The following MAD2L2 variants were observed in gnomAD, a reference collection of about 807,000 sequenced individuals.
MAD2L2 encodes the protein mitotic spindle assembly checkpoint protein MAD2B.
In MAD2L2, 17 loss-of-function variants were observed where a neutral mutation model predicts 30.5. The observed-to-expected ratio is 0.56, with a 90% CI of 0.38 to 0.84. The LOEUF (loss-of-function observed/expected upper bound fraction) is 0.84. Among genes scored for constraint, MAD2L2 ranks in the 40% least tolerant of loss-of-function variants. MAD2L2 has a pLI of 0.00. For synonymous variants in MAD2L2, 101 were observed against 113.9 expected, an observed-to-expected ratio of 0.89 and a Z score of 0.72; for missense variants, 213 against 277.4, an observed-to-expected ratio of 0.77 and a Z score of 1.65.
upstream of MAD2L2, chr1:11,681,437 G>A (rs1640878962): frequency 6.6e-6 from 1 of 152,294 alleles, no homozygotes; most frequent in African/African-American, 2.4e-5. Context: ...GCCGGAAGAG[G>A]GCTGGGGAGG....
chr1:11,676,678 C>T, intron 5 of MAD2L2, 170 bp downstream of exon 5: 1 of 649,330 alleles, frequency 1.5e-6, no homozygotes, highest in South Asian at 1.8e-5. Flanking sequence ...TGTCATCTCT[C>T]TGGACCCATC....
intron 1 of MAD2L2, among the ~76,000 whole-genome samples, chr1:11,691,181 T>G (rs1412824968): frequency 2.0e-5 from 3 of 148,450 alleles, no homozygotes; most frequent in Non-Finnish European, 4.5e-5. Flanking sequence ...ATTTCTTCCG[T>G]CCCTTTTGAC....
intron 7 of MAD2L2, among the ~76,000 whole-genome samples, chr1:11,675,420 G>A (rs915437167): frequency 6.6e-6 from 1 of 152,164 alleles, no homozygotes; most frequent in African/African-American, 2.4e-5. Flanking sequence ...TCCCTGGAGA[G>A]CCCCCACTTC....
At position 11,690,256 on chromosome 1, in the gene MAD2L2, T is replaced by C. The variant is rs574929261; in HGVS notation, c.-692+1157A>G. Among the ~76,000 whole-genome samples the C allele has an allele frequency of 6.6e-6, 1 of 152,240 alleles. No homozygotes were observed. The highest frequency in any genetic ancestry group is 2.1e-4 in the South Asian group (1 of 4,818). On this transcript the variant is annotated intron_variant, in intron 1 of 10. Transcript: ENST00000235310. The surrounding 1 kb of genome is among the most constrained non-coding windows in gnomAD (Gnocchi z 4.2). ...CTACTGTACCTCCGGTGCCGGCACATAGTAGGTGTTCAATAGGTATTTATG... is the reference window on the plus strand; with the variant it reads ...CTACTGTACCTCCGGTGCCGGCACACAGTAGGTGTTCAATAGGTATTTATG...
At position 11,689,807 on chromosome 1, in the gene MAD2L2, A is replaced by G. The variant is rs945895215; in HGVS notation, c.-692+1606T>C. Among the ~76,000 whole-genome samples the G allele has an allele frequency of 3.0e-4, 45 of 152,166 alleles. 1 individual carries two copies. The highest frequency in any genetic ancestry group is 1.1e-3 in the Admixed American group (17 of 15,284). On this transcript the variant is annotated intron_variant, in intron 1 of 10. Transcript: ENST00000235310. ...AATTATTTCTTGTGCGAGATCCAAGAACCCTCTCCTGAGGTCTGGGTCAGG... is the reference window on the plus strand; with the variant it reads ...AATTATTTCTTGTGCGAGATCCAAGGACCCTCTCCTGAGGTCTGGGTCAGG...
rs1641048116 is a variant in MAD2L2, at chr1:11,690,814, G to A, written c.-692+599C>T. On this transcript the variant is annotated intron_variant, in intron 1 of 10. Coordinates refer to the MAD2L2 transcript ENST00000235310. This position sits in a 1 kb window ranked among gnomAD's most constrained non-coding sequence, Gnocchi z 4.2. ...ACTCCCAGGGTCGTCAGGACACGGC[G>A]CCCCGCGCGGTGATGGATGAGCCGG... Among the ~76,000 whole-genome samples, 1 of 152,150 alleles carries A rather than the reference G, an allele frequency of 6.6e-6. No homozygotes were observed.
At chr1:11,680,787 T>C (rs1382044991) in intron 1 of MAD2L2, 174 bp from the exon 2 acceptor site, 3 of 1,341,784 alleles carry the variant, frequency 2.2e-6, no homozygotes, top group East Asian at 2.9e-5. Context: ...GCGTCCGTGC[T>C]TGGGGGCATC....
At chr1:11,685,887 C>A (rs1223056954), upstream of MAD2L2, among the ~76,000 whole-genome samples, 2 of 151,986 alleles carry the variant, frequency 1.3e-5, no homozygotes, top group East Asian at 3.9e-4. Flanking sequence ...AGGAAATCAA[C>A]GCTGCAGTGA....
At chr1:11,680,046 A>T (rs1268188612) in intron 3 of MAD2L2, among the ~76,000 whole-genome samples, 1 of 133,734 alleles carries the variant, frequency 7.5e-6, no homozygotes, top group Non-Finnish European at 1.5e-5. Flanking sequence ...CCCAGGCTGG[A>T]ATGCAGTGGC....
At chr1:11,679,890 G>A (rs1339000530) in intron 3 of MAD2L2, among the ~76,000 whole-genome samples, 1 of 151,962 alleles carries the variant, frequency 6.6e-6, no homozygotes, top group South Asian at 2.1e-4. Flanking sequence ...TCTCTTCTGA[G>A]GGGTGGGTAG....
upstream of MAD2L2, among the ~76,000 whole-genome samples, chr1:11,686,132 C>T (rs1379069863): frequency 2.0e-5 from 3 of 152,178 alleles, no homozygotes; most frequent in Admixed American, 2.0e-4. Context: ...ATCCCCATAG[C>T]TCCATTTCCA....
At chr1:11,680,168 G>A (rs914655329) in intron 3 of MAD2L2, among the ~76,000 whole-genome samples, 185 bp downstream of exon 3, 1 of 151,708 alleles carries the variant, frequency 6.6e-6, no homozygotes, top group African/African-American at 2.4e-5. Flanking sequence ...GCTAATTTTT[G>A]TATTTTTAGT....
chr1:11,677,486 C>A, intron 4 of MAD2L2, 57 bp downstream of exon 4: 3 of 1,534,548 alleles, frequency 2.0e-6, no homozygotes, highest in Non-Finnish European at 2.7e-6. Context: ...ACTGTGAGCA[C>A]ACAGGGACGG....
intron 3 of MAD2L2, 52 bp downstream of exon 3, chr1:11,680,301 A>G (rs7417320): frequency 0.44 from 650,023 of 1,490,024 alleles, 143,627 homozygotes; most frequent in Admixed American, 0.53. Flanking sequence ...CGACCAAAGA[A>G]TTTTTAAAAG....
intron 1 of MAD2L2, among the ~76,000 whole-genome samples, chr1:11,686,895 G>A (rs574535238): frequency 6.6e-5 from 10 of 150,498 alleles, no homozygotes; most frequent in Non-Finnish European, 1.3e-4. Flanking sequence ...ACAATTCAGT[G>A]ATTTTTAGTA....
At chr1:11,677,041 A>G (rs886638966) in intron 4 of MAD2L2, 93 bp from the exon 5 acceptor site, 3 of 964,486 alleles carry the variant, frequency 3.1e-6, no homozygotes, top group African/African-American at 3.2e-5. Flanking sequence ...AGGAGGAGAA[A>G]CGGCCCACTC....
At chr1:11,680,939 G>A (rs1052133511) in intron 1 of MAD2L2, 100 bp downstream of exon 1, 5 of 334,334 alleles carry the variant, frequency 1.5e-5, no homozygotes, top group South Asian at 2.2e-4. Flanking sequence ...CGCAAAGCGG[G>A]ACATGCGGAA....
intron 3 of MAD2L2, among the ~76,000 whole-genome samples, chr1:11,677,859 A>C (rs1334374550): frequency 6.6e-6 from 1 of 151,960 alleles, no homozygotes; most frequent in Non-Finnish European, 1.5e-5. Context: ...GGTATTCGAG[A>C]CCAGCCTGGC....
intron 1 of MAD2L2, 181 bp from the exon 2 acceptor site, chr1:11,680,794 C>T: frequency 7.5e-7 from 1 of 1,326,706 alleles, no homozygotes; most frequent in Non-Finnish European, 9.6e-7. Context: ...TGCTTGGGGG[C>T]ATCAGCCTCT....
Sources: allele counts gnomAD v4.1 joint callset (sites outside exome capture counted in the v4.1 genomes callset), GRCh38; gene constraint gnomAD v4.1.1; non-coding constraint Gnocchi (gnomAD v3.1); transcripts MANE v1.5; gene names NCBI Gene and HGNC (gene_info 2026-07-23, HGNC 2026-07-21).